Variants in RPS6KA4 observed in about 807,000 individuals in gnomAD.
RPS6KA4 encodes the protein ribosomal protein S6 kinase alpha-4.
A neutral mutation model predicts 89.6 loss-of-function variants in RPS6KA4; 38 were observed. That is an observed-to-expected ratio of 0.42 (90% CI 0.33 to 0.56). The LOEUF is 0.56. Ranked by LOEUF, RPS6KA4 falls within the 20% of genes least tolerant of loss-of-function variation. The pLI is 0.07. For missense variants in RPS6KA4, 873 were observed against 1,098.8 expected (o/e 0.79, Z 2.90); for synonymous variants, 495 against 492.8 (o/e 1.00, Z -0.06).
chr11:64,363,546 C>T, intron 8 of RPS6KA4, among the ~76,000 whole-genome samples: 1 of 151,914 alleles, frequency 6.6e-6, no homozygotes, highest in Admixed American at 6.6e-5. Flanking sequence ...TCCCAGAGTG[C>T]AGTGGCATGA....
intron 9 of RPS6KA4, 83 bp downstream of exon 9, chr11:64,365,548 GCCT>G: frequency 6.8e-7 from 1 of 1,477,106 alleles, no homozygotes; most frequent in Non-Finnish European, 9.3e-7. Context: ...CGAGGACACT[GCCT>G]AGGCCTTGTG....
In RPS6KA4 at chr11:64,370,955, T is replaced by C. The variant is rs2037052177; in HGVS notation, c.2121+229T>C. 6.6e-6 allele frequency among the ~76,000 whole-genome samples: 1 copy of C among 151,152 alleles called. No individual in the cohort carries two copies. Among genetic ancestry groups the C allele is most frequent in the African/African-American group, 2.4e-5 (1 of 41,056 alleles). The stretch of plus-strand genomic sequence containing the variant: ...CCCGTCTCTTCTAAAAAGAGAAAAA[T>C]TAGCCGGGTGTGGTGGCGCGCGCCT... On this transcript the variant is annotated intron_variant, in intron 16 of 16. Coordinates refer to ENST00000334205, the MANE Select transcript of RPS6KA4 (RefSeq NM_003942.3). This position sits in a 1 kb window ranked among gnomAD's most constrained non-coding sequence, Gnocchi z 4.1.
intron 12 of RPS6KA4, 25 bp downstream of exon 12, chr11:64,368,822 G>A (rs1296084764): frequency 3.9e-6 from 6 of 1,548,798 alleles, no homozygotes; most frequent in Non-Finnish European, 5.2e-6. Flanking sequence ...CCAGGGGAGG[G>A]CGGAGAGAAA....
Position 64,361,942 on chromosome 11 carries a change from G to T in RPS6KA4, c.846G>T (p.Lys282Asn). The T allele has an allele frequency of 6.2e-7, 1 of 1,610,762 alleles. No individual in the cohort carries two copies. Among genetic ancestry groups the T allele is most frequent in the Non-Finnish European group, 8.5e-7 (1 of 1,179,168 alleles). The change falls in exon 8 of 17, where the codon AAG becomes AAT. Residue 282 changes from lysine to asparagine, a missense_variant. By Grantham distance (94) the Lys-to-Asn change is moderately conservative. Transcript: ENST00000334205. This position sits in a 1 kb window ranked among gnomAD's most constrained non-coding sequence, Gnocchi z 4.7. Reference sequence around the variant, plus strand: ...AGCGGCTGCTTTGTAAGGATCCTAAGAAGCGATTGGGCGCGGGGCCCCAGG... The same window carrying T: ...AGCGGCTGCTTTGTAAGGATCCTAATAAGCGATTGGGCGCGGGGCCCCAGG... The part of the protein sequence containing the change: ...LLQRLLCKDP[K>N]KRLGAGPQGA...
At chr11:64,366,527 G>C (rs941263393) in intron 9 of RPS6KA4, among the ~76,000 whole-genome samples, 2 of 152,162 alleles carry the variant, frequency 1.3e-5, no homozygotes, top group African/African-American at 4.8e-5. Flanking sequence ...CCCTTTGCTT[G>C]GGCATTGAGG....
intron 4 of RPS6KA4, 54 bp downstream of exon 4, chr11:64,360,646 G>A: frequency 6.8e-7 from 1 of 1,463,338 alleles, no homozygotes; most frequent in South Asian, 1.2e-5. Flanking sequence ...TCTGTGCCTT[G>A]GAAGGAATCT....
At chr11:64,360,772 GT>G in intron 4 of RPS6KA4, 180 bp downstream of exon 4, 1 of 614,612 alleles carries the variant, frequency 1.6e-6, no homozygotes, top group Non-Finnish European at 2.8e-6. Flanking sequence ...ACGTTGCCTG[GT>G]GGGGTCCCCT....
chr11:64,370,625 C>T lies in RPS6KA4; in HGVS notation c.2020C>T (p.Leu674=), dbSNP rs746144012. 3.2e-6 allele frequency: 5 copies of T among 1,581,412 alleles called. No homozygotes were observed. Among genetic ancestry groups the T allele is most frequent in the Non-Finnish European group, 4.3e-6 (5 of 1,170,922 alleles). The change falls in exon 16 of 17, where the codon CTG becomes TTG. Residue 674 remains leucine, a synonymous_variant. Coordinates refer to ENST00000334205, the MANE Select transcript of RPS6KA4 (RefSeq NM_003942.3). This position sits in a 1 kb window ranked among gnomAD's most constrained non-coding sequence, Gnocchi z 4.1. Reference sequence around the variant, plus strand: ...CGAGGGACTGCGGGGCAGCTCGTGGCTGCAGGACGGCAGCGCGCGCTCCTC... The same window carrying T: ...CGAGGGACTGCGGGGCAGCTCGTGGTTGCAGGACGGCAGCGCGCGCTCCTC... The part of the protein sequence containing the change: ...KLEGLRGSSW[L]QDGSARSSPP...
chr11:64,364,906 A>ATTTTT (rs35498968), intron 8 of RPS6KA4, among the ~76,000 whole-genome samples: 6 of 132,494 alleles, frequency 4.5e-5, no homozygotes, highest in Non-Finnish European at 4.8e-5. Context: ...CGCCCAGCTA[A>ATTTTT]TTTTTTTTTT....
At chr11:64,360,651 G>A in intron 4 of RPS6KA4, 59 bp downstream of exon 4, 1 of 1,424,686 alleles carries the variant, frequency 7.0e-7, no homozygotes, top group Non-Finnish European at 9.7e-7. Flanking sequence ...GCCTTGGAAG[G>A]AATCTGCACG....
chr11:64,370,116 G>GGGTCTCA lies in RPS6KA4; in HGVS notation c.1798-106_1798-100dup. 1 of 1,310,902 alleles carries GGGTCTCA rather than the reference G, an allele frequency of 7.6e-7. No homozygotes were observed. The highest frequency in any genetic ancestry group is 1.0e-6 in the Non-Finnish European group (1 of 969,248). 81.2% of individuals were successfully genotyped at this position (1,310,902 alleles called of 1,614,324 possible). A position where few individuals can be genotyped will look rare whatever the true frequency, so the allele number is the denominator to read the frequency against. Reference sequence around the variant, plus strand: ...TTAGAAGTCAGGGTTCACCACGCGTGGGTCTCAGGAGTGCCCCTAGTGGGG... The same window carrying GGGTCTCA: ...TTAGAAGTCAGGGTTCACCACGCGTGGGTCTCAGGTCTCAGGAGTGCCCCTAGTGGGG... On this transcript the variant is annotated intron_variant, in intron 14 of 16. Coordinates refer to ENST00000334205, the MANE Select transcript of RPS6KA4 (RefSeq NM_003942.3). The surrounding 1 kb of genome is among the most constrained non-coding windows in gnomAD (Gnocchi z 4.1).
chr11:64,366,491 T>C (rs1275181581), intron 9 of RPS6KA4, among the ~76,000 whole-genome samples: 2 of 152,206 alleles, frequency 1.3e-5, no homozygotes, highest in East Asian at 3.9e-4. Flanking sequence ...TTTTAGAAGC[T>C]TACACCTTTT....
chr11:64,369,178 C>T (rs2036979826), intron 12 of RPS6KA4, among the ~76,000 whole-genome samples: 1 of 152,174 alleles, frequency 6.6e-6, no homozygotes, highest in East Asian at 1.9e-4. Context: ...GTAATCCCAG[C>T]TACTTGGGAG....
rs556851146 is a variant in RPS6KA4, at chr11:64,361,025, G to A, written c.463-109G>A. On this transcript the variant is annotated intron_variant, in intron 4 of 16. Transcript: ENST00000334205. This position sits in a 1 kb window ranked among gnomAD's most constrained non-coding sequence, Gnocchi z 4.7. ...TCTGCCCTGGAGACCCCCTCTACAG[G>A]CAGATGACTTTCTCTGGGGGGTCTC... is the stretch of plus-strand genomic sequence containing the variant. 11 of 806,928 alleles carry A rather than the reference G, an allele frequency of 1.4e-5. No individual in the cohort carries two copies. Among genetic ancestry groups the A allele is most frequent in the African/African-American group, 3.4e-5 (2 of 58,100 alleles). The allele number at this position is 806,928 out of a possible 1,614,324, so 50.0% of individuals were successfully genotyped here.
Position 64,370,166 on chromosome 11 carries a change from G to A in RPS6KA4, c.1798-59G>A. Reference sequence around the variant, plus strand: ...GAGGGTGAGTGGTTCTGTGGGAGCGGAGGGGTCAGCCTCGGCACCCCAGCC... The same window carrying A: ...GAGGGTGAGTGGTTCTGTGGGAGCGAAGGGGTCAGCCTCGGCACCCCAGCC... On this transcript the variant is annotated intron_variant, in intron 14 of 16. Transcript: ENST00000334205. This position sits in a 1 kb window ranked among gnomAD's most constrained non-coding sequence, Gnocchi z 4.1. The A allele has an allele frequency of 2.7e-6, 4 of 1,498,996 alleles. No individual in the cohort carries two copies. Among genetic ancestry groups the A allele is most frequent in the Non-Finnish European group, 3.6e-6 (4 of 1,125,652 alleles). The allele number at this position is 1,498,996 out of a possible 1,614,324, so 92.9% of individuals were successfully genotyped here.
At position 64,369,458 on chromosome 11, in the gene RPS6KA4, C is replaced by G. The variant is rs868745357; in HGVS notation, c.1441C>G (p.Leu481Val). 3.1e-6 allele frequency: 5 copies of G among 1,606,016 alleles called. No homozygotes were observed. The highest frequency in any genetic ancestry group is 2.7e-5 in the African/African-American group (2 of 74,806). ...ACGCCGCCCGCAGCTGCACACGTAC[C>G]TGGTCCTGGAGCTGCTGCGGGGCGG... ...EVHHDQLHTY[L>V]VLELLRGGEL... The change falls in exon 13 of 17, where the codon CTG becomes GTG. Residue 481 changes from leucine (L) to valine (V), a missense_variant. Physicochemically the swap from Leu to Val is conservative, Grantham distance 32. Coordinates refer to ENST00000334205, the MANE Select transcript of RPS6KA4 (RefSeq NM_003942.3).
intron 11 of RPS6KA4, 31 bp from the exon 12 acceptor site, chr11:64,368,673 C>T (rs558821576): frequency 1.9e-6 from 3 of 1,573,172 alleles, no homozygotes; most frequent in African/African-American, 1.3e-5. Flanking sequence ...CGAAGCGCGG[C>T]GACCGTAACT....
intron 9 of RPS6KA4, among the ~76,000 whole-genome samples, chr11:64,367,811 G>A (rs2036925209): frequency 6.6e-6 from 1 of 152,144 alleles, no homozygotes; most frequent in African/African-American, 2.4e-5. Context: ...TAAGCTAAGC[G>A]TGAACTCAGG....
Position 64,359,406 on chromosome 11 carries a change from G to C in RPS6KA4, c.84G>C (p.Val28=). The C allele has an allele frequency of 1.2e-6, 2 of 1,613,726 alleles. No homozygotes were observed. The highest frequency in any genetic ancestry group is 1.7e-6 in the Non-Finnish European group (2 of 1,179,836). Residue 28 remains valine (V), a synonymous_variant, in exon 2 of 17, where the codon GTG becomes GTC. Coordinates refer to ENST00000334205, the MANE Select transcript of RPS6KA4 (RefSeq NM_003942.3). ...EANLTGHEEK[V]SVENFELLKV... is the part of the protein sequence containing the mutation. ...ACCTGACCGGGCACGAGGAGAAGGT[G>C]AGCGTGGAGAACTTCGAGCTGCTCA...
Sources: allele counts gnomAD v4.1 joint callset (sites outside exome capture counted in the v4.1 genomes callset), GRCh38; gene constraint gnomAD v4.1.1; non-coding constraint Gnocchi (gnomAD v3.1); transcripts MANE v1.5; gene names NCBI Gene and HGNC (gene_info 2026-07-23, HGNC 2026-07-21).